The following ARHGAP22 variants were observed in gnomAD, a reference collection of about 807,000 sequenced individuals.
ARHGAP22 encodes the protein Rho GTPase activating protein 22, also known as rho GTPase-activating protein 22.
ARHGAP22 carries 48 observed loss-of-function variants against 59.1 expected under a neutral mutation model. That is an observed-to-expected ratio of 0.81 (90% confidence interval 0.64 to 1.03). ARHGAP22 has a LOEUF of 1.03. Ranked by LOEUF, ARHGAP22 falls within the 50% of genes least tolerant of loss-of-function variation. The pLI is 0.00. For missense variants in ARHGAP22, 1,015 were observed against 958.7 expected (o/e 1.06, Z -0.78); for synonymous variants, 445 against 416.4 (o/e 1.07, Z -0.84).
chr10:48,447,956 T>A (rs2045526990), intron 9 of ARHGAP22, among the ~76,000 whole-genome samples: 3 of 145,454 alleles, frequency 2.1e-5, no homozygotes, highest in East Asian at 2.2e-4. Flanking sequence ...TGCTGCCCCA[T>A]AGGGCCACAC....
In ARHGAP22 at chr10:48,453,344, A is replaced by T. The variant is rs757401111; in HGVS notation, c.948T>A (p.Ile316=). 2.5e-6 allele frequency: 4 copies of T among 1,613,924 alleles called. No individual in the cohort carries two copies. The African/African-American group carries it at 5.3e-5, about 22-fold the overall frequency. ...QNLATVFGPN[I]LRPQVEDPVT... is the part of the protein sequence containing the mutation. ...CTGGGTCCTCTACCTGTGGCCGCAGAATGTTAGGTCCAAAAACGGTTGCCA... is the reference window on the plus strand; with the variant it reads ...CTGGGTCCTCTACCTGTGGCCGCAGTATGTTAGGTCCAAAAACGGTTGCCA... Residue 316 remains isoleucine, a synonymous_variant, in exon 8 of 10, where the codon ATT becomes ATA. Coordinates refer to ENST00000249601, the MANE Select transcript of ARHGAP22 (RefSeq NM_021226.4).
At chr10:48,576,685 A>G (rs533208432) in intron 2 of ARHGAP22, among the ~76,000 whole-genome samples, 1 of 152,354 alleles carries the variant, frequency 6.6e-6, no homozygotes, top group East Asian at 1.9e-4. Context: ...GCTTATCATG[A>G]GGCAGCAAAT....
At chr10:48,457,333 C>T (rs2046639990) in intron 5 of ARHGAP22, among the ~76,000 whole-genome samples, 2 of 152,188 alleles carry the variant, frequency 1.3e-5, no homozygotes. Context: ...TGGGTGTCCG[C>T]AGGGCTCCTC....
At chr10:48,551,704 T>A (rs2056906239) in intron 3 of ARHGAP22, among the ~76,000 whole-genome samples, 1 of 152,342 alleles carries the variant, frequency 6.6e-6, no homozygotes, top group East Asian at 1.9e-4. Context: ...AGGACAGAAG[T>A]CCCACTGGCA....
In ARHGAP22 at chr10:48,479,718, G is replaced by A. The variant is rs1428570227; in HGVS notation, c.369C>T (p.Leu123=). The A allele has an allele frequency of 1.2e-6, 2 of 1,607,150 alleles. No individual in the cohort carries two copies. The highest frequency in any genetic ancestry group is 8.5e-7 in the Non-Finnish European group (1 of 1,176,336). ...CACGCTGGGAGCTGGCCATGAGCAG[G>A]AGCGCCTCGGGGTTGGCCGGCACCT... The part of the protein sequence containing the change: ...REKVPANPEA[L]LLMASSQRDM... Residue 123 remains leucine (L), a synonymous_variant, in exon 4 of 10, where the codon CTC becomes CTT. Coordinates refer to ENST00000249601, the MANE Select transcript of ARHGAP22 (RefSeq NM_021226.4).
intron 3 of ARHGAP22, among the ~76,000 whole-genome samples, chr10:48,491,588 A>C (rs2050395276): frequency 6.6e-6 from 1 of 152,274 alleles, no homozygotes; most frequent in Admixed American, 6.5e-5. Flanking sequence ...CAGCACAGCC[A>C]GCAGAGCCTG....
At chr10:48,579,102 A>ATT (rs67283464) in intron 2 of ARHGAP22, among the ~76,000 whole-genome samples, 24 of 149,288 alleles carry the variant, frequency 1.6e-4, no homozygotes, top group African/African-American at 2.2e-4. Flanking sequence ...CTTGTTTTTT[A>ATT]TTTTTTTTTC....
intron 1 of ARHGAP22, among the ~76,000 whole-genome samples, chr10:48,623,095 C>T (rs2061337708): frequency 6.6e-6 from 1 of 152,190 alleles, no homozygotes; most frequent in Non-Finnish European, 1.5e-5. Context: ...CCTCTGTGAC[C>T]CATGCCAGGG....
intron 3 of ARHGAP22, among the ~76,000 whole-genome samples, chr10:48,501,193 T>C (rs959310275): frequency 6.6e-6 from 1 of 152,230 alleles, no homozygotes; most frequent in Non-Finnish European, 1.5e-5. Flanking sequence ...ATGTACAAAG[T>C]ATCTCTGGAC....
chr10:48,576,405 T>C (rs1166915376), intron 2 of ARHGAP22, among the ~76,000 whole-genome samples: 1 of 152,244 alleles, frequency 6.6e-6, no homozygotes, highest in Non-Finnish European at 1.5e-5. Context: ...TTATAGTTTT[T>C]CTTTTCTTGT....
intron 3 of ARHGAP22, among the ~76,000 whole-genome samples, chr10:48,502,799 A>C (rs1222690736): frequency 1.3e-5 from 2 of 152,206 alleles, no homozygotes; most frequent in African/African-American, 4.8e-5. Context: ...TGTGCCAGAC[A>C]CTGTGCCACA....
At chr10:48,656,100 G>C (rs370291751), upstream of ARHGAP22, 20 of 152,530 alleles carry the variant, frequency 1.3e-4, no homozygotes, top group Admixed American at 1.3e-3. Flanking sequence ...CTCGCCGCCC[G>C]GCGGCAGCTC....
At chr10:48,454,202 G>A in intron 6 of ARHGAP22, 41 bp from the exon 7 acceptor site, 2 of 1,561,426 alleles carry the variant, frequency 1.3e-6, no homozygotes, top group Non-Finnish European at 1.8e-6. Context: ...CGGCAATGAG[G>A]GCCCTGACTG....
chr10:48,640,926 G>C (rs2062018899), intron 1 of ARHGAP22, among the ~76,000 whole-genome samples: 1 of 151,926 alleles, frequency 6.6e-6, no homozygotes, highest in Admixed American at 6.5e-5. Flanking sequence ...GTATAAATAA[G>C]GATTATAAAT....
intron 4 of ARHGAP22, among the ~76,000 whole-genome samples, chr10:48,466,851 G>A (rs757788450): frequency 6.6e-6 from 1 of 152,264 alleles, no homozygotes; most frequent in African/African-American, 2.4e-5. Flanking sequence ...GGCCCCCGTG[G>A]GGGATCTCCG....
At chr10:48,613,158 C>T (rs138768282) in intron 1 of ARHGAP22, among the ~76,000 whole-genome samples, 1 of 152,244 alleles carries the variant, frequency 6.6e-6, no homozygotes, top group East Asian at 1.9e-4. Flanking sequence ...TTAGTGAGGC[C>T]TCAGTGACTC....
At chr10:48,484,879 A>G (rs535100968) in intron 3 of ARHGAP22, among the ~76,000 whole-genome samples, 4 of 152,116 alleles carry the variant, frequency 2.6e-5, no homozygotes, top group Non-Finnish European at 4.4e-5. Context: ...TTGCTGGAGG[A>G]TTACCAATTT....
At chr10:48,482,387 C>T (rs183266264) in intron 3 of ARHGAP22, among the ~76,000 whole-genome samples, 12 of 152,348 alleles carry the variant, frequency 7.9e-5, no homozygotes, top group African/African-American at 1.4e-4. Context: ...CATGTGCAAT[C>T]GTGCTATCTG....
intron 3 of ARHGAP22, among the ~76,000 whole-genome samples, chr10:48,512,391 T>A (rs2052869990): frequency 1.3e-5 from 2 of 152,214 alleles, no homozygotes; most frequent in Admixed American, 1.3e-4. Flanking sequence ...ACAGGACAAT[T>A]AATAAAGTCC....
Sources: allele counts gnomAD v4.1 joint callset (sites outside exome capture counted in the v4.1 genomes callset), GRCh38; gene constraint gnomAD v4.1.1; transcripts MANE v1.5; gene names NCBI Gene and HGNC (gene_info 2026-07-23, HGNC 2026-07-21).